CLEC7A: variants seen among roughly 807,000 people sequenced by gnomAD.
CLEC7A encodes C-type lectin domain family 7 member A.
Under a neutral mutation model 26.9 loss-of-function variants are expected in CLEC7A, and 25 were observed. The observed-to-expected ratio is 0.93, with a 90% CI of 0.68 to 1.30. The LOEUF (loss-of-function observed/expected upper bound fraction) is 1.30. CLEC7A is among the 50% of genes most tolerant of loss of function. The pLI, the probability that CLEC7A is intolerant of heterozygous loss-of-function variation, is 0.00. For missense variants in CLEC7A, 275 were observed against 286.7 expected (o/e 0.96, Z 0.29); for synonymous variants, 100 against 99.5 (o/e 1.01, Z -0.03).
At chr12:10,128,665 A>G (rs774461704) in intron 1 of CLEC7A, among the ~76,000 whole-genome samples, 9 of 152,280 alleles carry the variant, frequency 5.9e-5, no homozygotes, top group Middle Eastern at 3.4e-3. Context: ...ACGAGCTAAC[A>G]CATATAAAAG....
chr12:10,120,550 A>T (rs1459130091), intron 5 of CLEC7A, among the ~76,000 whole-genome samples: 1 of 151,820 alleles, frequency 6.6e-6, no homozygotes, highest in African/African-American at 2.4e-5. Flanking sequence ...ATGAATACTA[A>T]CTGCATAAAT....
chr12:10,118,978 A>C (rs1422659588), intron 5 of CLEC7A, among the ~76,000 whole-genome samples: 1 of 152,164 alleles, frequency 6.6e-6, no homozygotes, highest in Non-Finnish European at 1.5e-5. Context: ...TAATGAGTAG[A>C]CCAAGCAGAA....
Position 10,123,329 on chromosome 12 carries a change from T to C in CLEC7A, c.527A>G (p.Asp176Gly). 2 of 1,612,718 alleles carry C rather than the reference T, an allele frequency of 1.2e-6. No homozygotes were observed. Among genetic ancestry groups the C allele is most frequent in the African/African-American group, 1.3e-5 (1 of 74,992 alleles). Residue 176 changes from aspartate (D) to glycine (G), a missense_variant, in exon 5 of 6, where the codon GAT becomes GGT. By Grantham distance (94) the Asp-to-Gly change is moderately conservative. Coordinates refer to ENST00000304084, the MANE Select transcript of CLEC7A (RefSeq NM_197947.3). The stretch of plus-strand genomic sequence containing the variant: ...AGAAAGGCCTATCCAAAATGAATTA[T>C]CAGGTTGGGAAGACACTTGTTTTAC... ...FIVKQVSSQP[D>G]NSFWIGLSRP... is the part of the protein sequence containing the mutation.
chr12:10,118,345 G>A lies in CLEC7A; in HGVS notation c.*113C>T, dbSNP rs1947971488. 2.0e-6 allele frequency: 2 copies of A among 1,019,220 alleles called. No individual in the cohort carries two copies. The highest frequency in any genetic ancestry group is 1.5e-5 in the South Asian group (1 of 66,462). 63.1% of individuals were successfully genotyped at this position (1,019,220 alleles called of 1,614,324 possible). A position where few individuals can be genotyped will look rare whatever the true frequency, so the allele number is the denominator to read the frequency against. On this transcript the variant is annotated 3_prime_UTR_variant, in exon 6 of 6. Coordinates refer to ENST00000304084, the MANE Select transcript of CLEC7A (RefSeq NM_197947.3). The stretch of plus-strand genomic sequence containing the variant: ...CTTGGTTAAGATTACAGTTGGCCAA[G>A]CTCTCTAAACATTTTCTGCATTTAT...
At chr12:10,123,170 C>T (rs7137840) in intron 5 of CLEC7A, 75 bp downstream of exon 5, 96,245 of 917,100 alleles carry the variant, frequency 0.1, 6,160 homozygotes, top group African/African-American at 0.26. Context: ...CTTAGCTGCT[C>T]GACAGAGGTT....
intron 2 of CLEC7A, 31 bp downstream of exon 2, chr12:10,127,716 C>A: frequency 7.1e-7 from 1 of 1,406,648 alleles, no homozygotes; most frequent in East Asian, 2.4e-5. Context: ...ACTAAATTGT[C>A]TGTTGTTAAT....
intron 1 of CLEC7A, 63 bp downstream of exon 1, chr12:10,129,917 C>G: frequency 1.0e-6 from 1 of 966,602 alleles, no homozygotes; most frequent in Non-Finnish European, 1.6e-6. Flanking sequence ...CATGCCTAGC[C>G]TCCCCTTATA....
intron 4 of CLEC7A, chr12:10,124,857 C>T (rs1446769422): frequency 6.1e-6 from 1 of 164,556 alleles, no homozygotes; most frequent in East Asian, 1.8e-4. Flanking sequence ...ATATACTATG[C>T]ACTTTATGTG....
chr12:10,118,377 C>G lies in CLEC7A; in HGVS notation c.*81G>C. On this transcript the variant is annotated 3_prime_UTR_variant, in exon 6 of 6. Transcript: ENST00000304084. ...AAACATTTTCTGCATTTATCTTGAC[C>G]TCAGCTGTTACTCTTTTCTGTTCTG... 7.5e-7 allele frequency: 1 copy of G among 1,335,336 alleles called. No individual in the cohort carries two copies. The highest frequency in any genetic ancestry group is 1.5e-5 in the African/African-American group (1 of 67,408). The allele number at this position is 1,335,336 out of a possible 1,614,324, so 82.7% of individuals were successfully genotyped here. A position where few individuals can be genotyped will look rare whatever the true frequency, so the allele number is the denominator to read the frequency against.
Position 10,127,892 on chromosome 12 carries a change from G to A in CLEC7A, c.104-47C>T, listed in dbSNP as rs150403068. ...AAATGGAATAAAGAAAGAGAATGAC[G>A]GATGGTGGGGCAGTTTAATTCTACA... is the stretch of plus-strand genomic sequence containing the variant. On this transcript the variant is annotated intron_variant, in intron 1 of 5. Coordinates refer to ENST00000304084, the MANE Select transcript of CLEC7A (RefSeq NM_197947.3). The A allele has an allele frequency of 2.4e-4, 308 of 1,274,278 alleles. 2 individuals carry two copies. In the African/African-American group the frequency reaches 3.8e-3, roughly 16 times the overall value. The allele number at this position is 1,274,278 out of a possible 1,614,324, so 78.9% of individuals were successfully genotyped here.
Position 10,118,054 on chromosome 12 carries a change from T to TCTC in CLEC7A, c.*403_*404insGAG. On this transcript the variant is annotated 3_prime_UTR_variant, in exon 6 of 6. Transcript: ENST00000304084. The stretch of plus-strand genomic sequence containing the variant: ...CAGTCTCTACAAAAAACACCAAAAA[T>TCTC]TAGCCTGGCATGGTGGCATGCACCT... The TCTC allele has an allele frequency of 5.9e-6, 1 of 168,166 alleles. No individual in the cohort carries two copies. The highest frequency in any genetic ancestry group is 1.3e-5 in the Non-Finnish European group (1 of 78,864). The allele number at this position is 168,166 out of a possible 1,614,324, so 10.4% of individuals were successfully genotyped here.
At position 10,128,794 on chromosome 12, in the gene CLEC7A, C is replaced by T. The variant is rs542957571; in HGVS notation, c.104-949G>A. On this transcript the variant is annotated intron_variant, in intron 1 of 5. Transcript: ENST00000304084. Reference sequence around the variant, plus strand: ...CCTCTTGCCTCATCCACTTTTTCCACGCTTCCTCAATAGGTTGCCCAAGAA... The same window carrying T: ...CCTCTTGCCTCATCCACTTTTTCCATGCTTCCTCAATAGGTTGCCCAAGAA... Among the ~76,000 whole-genome samples the T allele has an allele frequency of 1.8e-4, 27 of 152,296 alleles. No homozygotes were observed. The South Asian group carries it at 4.1e-3, about 23-fold the overall frequency.
intron 5 of CLEC7A, among the ~76,000 whole-genome samples, chr12:10,121,456 T>C (rs1948083665): frequency 6.6e-6 from 1 of 151,738 alleles, no homozygotes; most frequent in South Asian, 2.1e-4. Flanking sequence ...ATTCTTTTCA[T>C]ATGGAAAGAG....
chr12:10,127,583 T>C lies in CLEC7A; in HGVS notation c.202+164A>G, dbSNP rs539396697. 3.9e-5 allele frequency: 38 copies of C among 969,166 alleles called. No homozygotes were observed. In the African/African-American group the frequency reaches 5.5e-4, roughly 14 times the overall value. 60.0% of individuals were successfully genotyped at this position (969,166 alleles called of 1,614,324 possible). ...AATAACCTCTCAGTCTCTCACACCC[T>C]TTATAAGTGAAATGGGCATTAACAG... On this transcript the variant is annotated intron_variant, in intron 2 of 5. Coordinates refer to ENST00000304084, the MANE Select transcript of CLEC7A (RefSeq NM_197947.3).
chr12:10,126,938 A>G, intron 2 of CLEC7A: 2 of 919,726 alleles, frequency 2.2e-6, no homozygotes, highest in Non-Finnish European at 1.5e-6. Context: ...GAAAAGAAAA[A>G]AGAAGGTGGA....
chr12:10,126,719 C>A lies in CLEC7A; in HGVS notation c.203-11G>T. The A allele has an allele frequency of 1.3e-6, 2 of 1,596,620 alleles. No homozygotes were observed. Among genetic ancestry groups the A allele is most frequent in the East Asian group, 2.2e-5 (1 of 44,634 alleles). ...TGGATCTCCAAATAGCTTCACATAC[C>A]AACAATAATAATAGTGACAGAAAAA... On this transcript the variant is annotated splice_polypyrimidine_tract_variant and intron_variant, in intron 2 of 5. Coordinates refer to ENST00000304084, the MANE Select transcript of CLEC7A (RefSeq NM_197947.3).
Position 10,123,745 on chromosome 12 carries a change from G to A in CLEC7A, c.493-382C>T, listed in dbSNP as rs1182479568. 5.1e-5 allele frequency among the ~76,000 whole-genome samples: 6 copies of A among 117,204 alleles called. No individual in the cohort carries two copies. In the East Asian group the frequency reaches 1.2e-3, roughly 24 times the overall value. The allele number at this position is 117,204 out of a possible 152,430, so 76.9% of individuals were successfully genotyped here. On this transcript the variant is annotated intron_variant, in intron 4 of 5. Coordinates refer to ENST00000304084, the MANE Select transcript of CLEC7A (RefSeq NM_197947.3). ...CACTGCAGTCCGCAGTCCGGCCTGG[G>A]CGACAGAGCGAGACTCCGTCTCAAA...
At chr12:10,120,088 G>A (rs932852976) in intron 5 of CLEC7A, among the ~76,000 whole-genome samples, 2 of 148,368 alleles carry the variant, frequency 1.3e-5, no homozygotes, top group Non-Finnish European at 1.5e-5. Context: ...AGCCACAGAT[G>A]AGAAAAAATA....
rs1947939675 is a variant in CLEC7A, at chr12:10,117,296, A to C, written c.*1162T>G. On this transcript the variant is annotated 3_prime_UTR_variant, in exon 6 of 6. Coordinates refer to ENST00000304084, the MANE Select transcript of CLEC7A (RefSeq NM_197947.3). Reference sequence around the variant, plus strand: ...TGTAATCCCAGCACTTGGGAGGCCGAGGCAGGCAGATCACTTGAGGTCAGG... The same window carrying C: ...TGTAATCCCAGCACTTGGGAGGCCGCGGCAGGCAGATCACTTGAGGTCAGG... 6.6e-6 allele frequency: 1 copy of C among 152,324 alleles called. No individual in the cohort carries two copies. Among genetic ancestry groups the C allele is most frequent in the South Asian group, 2.1e-4 (1 of 4,830 alleles). The allele number at this position is 152,324 out of a possible 1,614,324, so 9.4% of individuals were successfully genotyped here.
Sources: allele counts gnomAD v4.1 joint callset (sites outside exome capture counted in the v4.1 genomes callset), GRCh38; gene constraint gnomAD v4.1.1; transcripts MANE v1.5; gene names NCBI Gene and HGNC (gene_info 2026-07-23, HGNC 2026-07-21).